The following ARB2A variants were observed in gnomAD, a reference collection of about 807,000 sequenced individuals.
The protein encoded by ARB2A is ARB2 cotranscriptional regulator A, also known as cotranscriptional regulator ARB2A.
the ARB2A span, among the ~76,000 whole-genome samples, chr5:93,975,039 G>A: frequency 2.0e-5 from 3 of 152,114 alleles, no homozygotes; most frequent in Non-Finnish European, 4.4e-5. Flanking sequence ...TCTTAGCTGG[G>A]CGCGGTGGCT....
At chr5:93,887,396 TAC>T in the ARB2A span, among the ~76,000 whole-genome samples, 1 of 151,692 alleles carries the variant, frequency 6.6e-6, no homozygotes, top group East Asian at 1.9e-4. Flanking sequence ...ATAAAGAAAC[TAC>T]AGTTTTATTA....
the ARB2A span, among the ~76,000 whole-genome samples, chr5:93,838,866 G>A: frequency 6.6e-6 from 1 of 152,112 alleles, no homozygotes; most frequent in African/African-American, 2.4e-5. Context: ...TGGTGTATAG[G>A]AATGTTACTT....
chr5:93,648,689 G>T, the ARB2A span, among the ~76,000 whole-genome samples: 1 of 152,182 alleles, frequency 6.6e-6, no homozygotes, highest in Non-Finnish European at 1.5e-5. Context: ...TGCATGCATG[G>T]ATGCTGAGGG....
At chr5:94,083,157 C>T in the ARB2A span, among the ~76,000 whole-genome samples, 1 of 152,192 alleles carries the variant, frequency 6.6e-6, no homozygotes, top group African/African-American at 2.4e-5. Context: ...GGACACTTTG[C>T]TGAATGTTAG....
At chr5:93,700,912 A>T in the ARB2A span, among the ~76,000 whole-genome samples, 1 of 152,134 alleles carries the variant, frequency 6.6e-6, no homozygotes, top group Admixed American at 6.5e-5. Flanking sequence ...TCTGAGAGAT[A>T]AAAAATTCAT....
the ARB2A span, among the ~76,000 whole-genome samples, chr5:93,779,554 C>T: frequency 6.6e-6 from 1 of 152,208 alleles, no homozygotes; most frequent in South Asian, 2.1e-4. Context: ...CTCAGGTCCC[C>T]TGAATAGGCA....
chr5:93,962,246 T>C, the ARB2A span, among the ~76,000 whole-genome samples: 3 of 152,214 alleles, frequency 2.0e-5, no homozygotes, highest in African/African-American at 7.2e-5. Context: ...CACCAATTCA[T>C]TGTGGAATAC....
chr5:93,801,189 G>A, the ARB2A span, among the ~76,000 whole-genome samples: 11 of 152,044 alleles, frequency 7.2e-5, no homozygotes, highest in African/African-American at 2.4e-4. Flanking sequence ...CTCATCACTG[G>A]GCAAACTTGC....
the ARB2A span, among the ~76,000 whole-genome samples, chr5:94,108,341 C>A: frequency 6.6e-6 from 1 of 151,196 alleles, no homozygotes; most frequent in Non-Finnish European, 1.5e-5. Context: ...GCAATTTGAA[C>A]CAAAAGGTTC....
At chr5:93,643,123 G>A in the ARB2A span, among the ~76,000 whole-genome samples, 1 of 152,128 alleles carries the variant, frequency 6.6e-6, no homozygotes, top group Non-Finnish European at 1.5e-5. Flanking sequence ...TTTAATTTTT[G>A]TCCAAAAAGT....
chr5:93,747,844 A>G, the ARB2A span, among the ~76,000 whole-genome samples: 1 of 152,174 alleles, frequency 6.6e-6, no homozygotes, highest in Admixed American at 6.5e-5. Context: ...GAAAACTGAA[A>G]GCAAGATTTC....
the ARB2A span, among the ~76,000 whole-genome samples, chr5:93,852,590 C>T: frequency 6.6e-6 from 1 of 152,070 alleles, no homozygotes; most frequent in Non-Finnish European, 1.5e-5. Flanking sequence ...GGTTTTAGGT[C>T]TAACGTTTAA....
chr5:93,770,316 A>G, the ARB2A span, among the ~76,000 whole-genome samples: 1 of 152,146 alleles, frequency 6.6e-6, no homozygotes, highest in African/African-American at 2.4e-5. Context: ...TCAAAATAAT[A>G]AGAGCTATCT....
At chr5:93,639,862 T>A in the ARB2A span, among the ~76,000 whole-genome samples, 43 of 151,698 alleles carry the variant, frequency 2.8e-4, 1 homozygote, top group Non-Finnish European at 6.0e-4. Flanking sequence ...CTGGCCAACA[T>A]GGTGAAACCT....
At chr5:93,748,268 T>C in the ARB2A span, among the ~76,000 whole-genome samples, 1 of 152,020 alleles carries the variant, frequency 6.6e-6, no homozygotes, top group Non-Finnish European at 1.5e-5. Flanking sequence ...GAATATAATA[T>C]TAGCAGGAAG....
chr5:93,731,857 G>T, the ARB2A span, among the ~76,000 whole-genome samples: 1 of 152,208 alleles, frequency 6.6e-6, no homozygotes, highest in Non-Finnish European at 1.5e-5. Flanking sequence ...TAAATGCAGT[G>T]AAATCTCAGG....
At chr5:93,662,347 T>C in the ARB2A span, among the ~76,000 whole-genome samples, 53 of 152,192 alleles carry the variant, frequency 3.5e-4, no homozygotes, top group Non-Finnish European at 4.9e-4. Flanking sequence ...AAAAAGGAGA[T>C]AGTGTATTGA....
the ARB2A span, among the ~76,000 whole-genome samples, chr5:94,041,246 A>C: frequency 6.6e-6 from 1 of 151,660 alleles, no homozygotes; most frequent in African/African-American, 2.4e-5. Context: ...GTCCTTCTGT[A>C]TTGTCTGTCA....
chr5:93,857,073 A>G, the ARB2A span, among the ~76,000 whole-genome samples: 7 of 152,190 alleles, frequency 4.6e-5, no homozygotes, highest in African/African-American at 1.7e-4. Flanking sequence ...CCTGGGTATC[A>G]GCAGCGCTGG....
Sources: gnomAD v4.1 joint callset for allele counts (sites outside exome capture counted in the v4.1 genomes callset) on GRCh38, gnomAD v4.1.1 for gene constraint, MANE v1.5 for transcripts, NCBI Gene and HGNC (gene_info 2026-07-23, HGNC 2026-07-21) for gene names.